Variants in FOXJ3 observed in about 807,000 individuals in gnomAD.
FOXJ3 encodes the protein forkhead box protein J3.
In FOXJ3, 22 loss-of-function variants were observed where a neutral mutation model predicts 76.1. The ratio of observed to expected loss-of-function variants is 0.29; its 90% CI spans 0.21 to 0.41. The LOEUF is 0.41. FOXJ3 is among the 10% of genes least tolerant of loss of function. The pLI, the probability that FOXJ3 is intolerant of heterozygous loss-of-function variation, is 1.00. For synonymous variants in FOXJ3, 269 were observed against 261.2 expected (o/e 1.03, Z -0.29); for missense variants, 613 against 762.1 (o/e 0.80, Z 2.30).
At chr1:42,222,870 C>T (rs757073394) in intron 5 of FOXJ3, among the ~76,000 whole-genome samples, 1 of 152,200 alleles carries the variant, frequency 6.6e-6, no homozygotes, top group Non-Finnish European at 1.5e-5. Flanking sequence ...ATTTATTAGA[C>T]ATATACCCTG....
intron 3 of FOXJ3, among the ~76,000 whole-genome samples, chr1:42,272,647 A>C (rs533763505): frequency 6.6e-6 from 1 of 152,330 alleles, no homozygotes; most frequent in Admixed American, 6.5e-5. Context: ...TTGAAACTTT[A>C]TCACTACATC....
intron 6 of FOXJ3, among the ~76,000 whole-genome samples, chr1:42,202,304 A>G (rs1035086202): frequency 6.6e-6 from 1 of 152,192 alleles, no homozygotes. Flanking sequence ...TAGCTTCTCC[A>G]TAAAATATAG....
intron 4 of FOXJ3, among the ~76,000 whole-genome samples, chr1:42,246,422 GAAA>G (rs1372526138): frequency 6.6e-6 from 1 of 151,750 alleles, no homozygotes; most frequent in Non-Finnish European, 1.5e-5. Context: ...AGAGGTATAT[GAAA>G]AAAATGTTCA....
rs768826761 is a variant in FOXJ3 at position 42,191,539 on chromosome 1, T to A, written c.1115A>T (p.His372Leu). 2.1e-5 allele frequency: 34 copies of A among 1,613,898 alleles called. No homozygotes were observed. Among genetic ancestry groups the A allele is most frequent in the Non-Finnish European group, 2.6e-5 (31 of 1,179,964 alleles). The change falls in exon 9 of 13, where the codon CAC (histidine) becomes CTC (leucine). Residue 372 changes from histidine (H) to leucine (L), a missense_variant. By Grantham distance (99) the His-to-Leu change is moderately conservative. Around this residue, in one of 3 missense-constraint regions of FOXJ3, gnomAD observed 526 missense variants for 601.4 expected, o/e 0.87. Transcript: ENST00000361346. ...AGATGGCTGTGTGTGCATCTGGGGGTGAGACAGTGAGACCTGTGCAACCGA... is the reference window on the plus strand; with the variant it reads ...AGATGGCTGTGTGTGCATCTGGGGGAGAGACAGTGAGACCTGTGCAACCGA... ...SNSVAQVSLS[H>L]PQMHTQPSPH...
intron 4 of FOXJ3, among the ~76,000 whole-genome samples, chr1:42,251,842 C>T (rs1650102284): frequency 6.6e-6 from 1 of 151,270 alleles, no homozygotes; most frequent in Non-Finnish European, 1.5e-5. Context: ...CCTCAGCCTC[C>T]CCTGTAGCTG....
At chr1:42,316,234 TGATAGCTC>T (rs147578985) in intron 1 of FOXJ3, among the ~76,000 whole-genome samples, 5,620 of 151,920 alleles carry the variant, frequency 0.037, 143 homozygotes, top group Non-Finnish European at 0.059. Flanking sequence ...AGTGGCCAGA[TGATAGCTC>T]ACTGCAGCCT....
At chr1:42,260,255 C>G (rs1416480870) in intron 4 of FOXJ3, among the ~76,000 whole-genome samples, 1 of 151,918 alleles carries the variant, frequency 6.6e-6, no homozygotes, top group Non-Finnish European at 1.5e-5. Context: ...AAGAAAATGA[C>G]CAAAATGGGA....
intron 4 of FOXJ3, among the ~76,000 whole-genome samples, chr1:42,248,985 G>A (rs1570040841): frequency 6.6e-6 from 1 of 152,002 alleles, no homozygotes; most frequent in African/African-American, 2.4e-5. Flanking sequence ...CTCCCACTAT[G>A]AGTGAGAACA....
chr1:42,292,484 C>A (rs1193062989), intron 2 of FOXJ3, among the ~76,000 whole-genome samples: 1 of 152,178 alleles, frequency 6.6e-6, no homozygotes, highest in Non-Finnish European at 1.5e-5. Context: ...GAATGAACTG[C>A]TGATGCATGC....
intron 3 of FOXJ3, among the ~76,000 whole-genome samples, chr1:42,272,442 A>G (rs1196138441): frequency 6.6e-6 from 1 of 152,262 alleles, no homozygotes; most frequent in East Asian, 1.9e-4. Context: ...AATAAAATTA[A>G]AAGTGATCAT....
At chr1:42,197,642 A>AAC (rs1646676974) in intron 7 of FOXJ3, among the ~76,000 whole-genome samples, 1 of 152,014 alleles carries the variant, frequency 6.6e-6, no homozygotes, top group Non-Finnish European at 1.5e-5. Flanking sequence ...AATACAATGT[A>AAC]AACAGTTGTT....
intron 5 of FOXJ3, among the ~76,000 whole-genome samples, chr1:42,225,738 A>G (rs1264701792): frequency 6.6e-6 from 1 of 152,260 alleles, no homozygotes; most frequent in Non-Finnish European, 1.5e-5. Context: ...AAAGCAGTAG[A>G]AAATGAATAC....
At chr1:42,252,917 C>G (rs1419615598) in intron 4 of FOXJ3, among the ~76,000 whole-genome samples, 1 of 149,984 alleles carries the variant, frequency 6.7e-6, no homozygotes, top group Non-Finnish European at 1.5e-5. Context: ...CAGGGATGCC[C>G]TCTCTCACCA....
In FOXJ3 at chr1:42,191,474, G is replaced by A. The variant is rs1646543929; in HGVS notation, c.1180C>T (p.Pro394Ser). ...GGTGCTGGGTGTGGGGAACGCTGCG[G>A]ATGCTGCGGTAAACCATGCGGTCGA... Reference protein sequence around the residue: ...PHRPHGLPQHPQRSPHPAPHP... With the variant: ...PHRPHGLPQHSQRSPHPAPHP... The change falls in exon 9 of 13, where the codon CCG (proline) becomes TCG (serine). Residue 394 changes from proline to serine, a missense_variant. Pro to Ser is a moderately conservative substitution (Grantham distance 74). Transcript: ENST00000361346. The A allele has an allele frequency of 1.2e-6, 2 of 1,613,600 alleles. No homozygotes were observed. The highest frequency in any genetic ancestry group is 2.7e-5 in the African/African-American group (2 of 74,874).
In FOXJ3 at chr1:42,309,347, T is replaced by C. The variant is rs1313898044; in HGVS notation, c.44+1703A>G. Among the ~76,000 whole-genome samples, 9 of 152,194 alleles carry C rather than the reference T, an allele frequency of 5.9e-5. No homozygotes were observed. The East Asian group carries it at 1.5e-3, about 26-fold the overall frequency. ...GACCTTCCTGCACTCCCTCTGTGCC[T>C]AAAGAATGCTCGACTACCACTTATC... On this transcript the variant is annotated intron_variant, in intron 2 of 12. Transcript: ENST00000361346.
intron 2 of FOXJ3, among the ~76,000 whole-genome samples, chr1:42,295,163 A>G (rs1570180667): frequency 6.6e-6 from 1 of 152,300 alleles, no homozygotes; most frequent in South Asian, 2.1e-4. Context: ...CACAATCCAA[A>G]GAGTGAACAT....
At chr1:42,299,367 C>CTTTT (rs34855114) in intron 2 of FOXJ3, among the ~76,000 whole-genome samples, 1 of 144,842 alleles carries the variant, frequency 6.9e-6, no homozygotes, top group South Asian at 2.2e-4. Flanking sequence ...TAATGCTCAT[C>CTTTT]TTTTTTTTTT....
chr1:42,277,567 G>A (rs1281680957), intron 3 of FOXJ3, among the ~76,000 whole-genome samples: 1 of 24,952 alleles, frequency 4.0e-5, no homozygotes, highest in African/African-American at 1.1e-4. Context: ...GGAGGCCGAG[G>A]CGGGCGGATC....
chr1:42,237,145 G>A lies in FOXJ3; in HGVS notation c.445-9179C>T, dbSNP rs181378628. On this transcript the variant is annotated intron_variant, in intron 4 of 12. Transcript: ENST00000361346. ...AATCCCAGCACTCTCGGAGGCCGAG[G>A]GGGGTGGATCACGAGGTAAGGAGAT... Among the ~76,000 whole-genome samples the A allele has an allele frequency of 2.6e-5, 4 of 152,046 alleles. No individual in the cohort carries two copies. In the East Asian group the frequency reaches 5.8e-4, roughly 22 times the overall value.
Sources: gnomAD v4.1 joint callset for allele counts (sites outside exome capture counted in the v4.1 genomes callset) on GRCh38, gnomAD v4.1.1 for gene constraint, gnomAD v4.1.1 regional missense constraint, MANE v1.5 for transcripts, NCBI Gene and HGNC (gene_info 2026-07-23, HGNC 2026-07-21) for gene names.